The following CXCL13 variants were observed in gnomAD, a reference collection of about 807,000 sequenced individuals.
The protein encoded by CXCL13 is C-X-C motif chemokine ligand 13.
CXCL13 carries 7 observed loss-of-function variants against 12.2 expected under a neutral mutation model. The observed-to-expected ratio is 0.57, with a 90% CI of 0.33 to 1.07. CXCL13 has a LOEUF of 1.07. Among genes scored for constraint, CXCL13 ranks in the 50% least tolerant of loss-of-function variants. The pLI, the probability that CXCL13 is intolerant of heterozygous loss-of-function variation, is 0.04. For synonymous variants in CXCL13, 47 were observed against 42.4 expected (o/e 1.11, Z -0.42); for missense variants, 113 against 127.4 (o/e 0.89, Z 0.55).
chr4:77,567,215 CA>C (rs1725960965), intron 1 of CXCL13, among the ~76,000 whole-genome samples: 1 of 152,190 alleles, frequency 6.6e-6, no homozygotes, highest in Non-Finnish European at 1.5e-5. Context: ...CTCCTAACTC[CA>C]CCGCCTATCC....
intron 1 of CXCL13, among the ~76,000 whole-genome samples, chr4:77,545,949 T>C (rs192469235): frequency 2.6e-4 from 39 of 152,350 alleles, no homozygotes; most frequent in Non-Finnish European, 1.5e-5. Context: ...TGAGAGTTTT[T>C]AGAGCGAAGG....
At chr4:77,520,221 C>T (rs1724554997) in intron 1 of CXCL13, among the ~76,000 whole-genome samples, 1 of 152,050 alleles carries the variant, frequency 6.6e-6, no homozygotes, top group Admixed American at 6.6e-5. Flanking sequence ...TCCATATGAA[C>T]TTTAAAGTAG....
chr4:77,568,294 G>A (rs999790245), intron 1 of CXCL13, among the ~76,000 whole-genome samples: 1 of 152,120 alleles, frequency 6.6e-6, no homozygotes, highest in Non-Finnish European at 1.5e-5. Context: ...AAGTGGCCAC[G>A]AGACTTCTAG....
intron 1 of CXCL13, among the ~76,000 whole-genome samples, chr4:77,550,424 A>G (rs1315395178): frequency 6.6e-6 from 1 of 151,524 alleles, no homozygotes; most frequent in African/African-American, 2.4e-5. Context: ...CTTCTGCATC[A>G]CTCCTGCTGG....
chr4:77,549,664 G>C (rs10017991), intron 1 of CXCL13, among the ~76,000 whole-genome samples: 21,234 of 152,196 alleles, frequency 0.14, 2,126 homozygotes, highest in East Asian at 0.45. Context: ...ATCACCAGCA[G>C]AGGCTGCAGA....
chr4:77,553,642 G>A (rs1342337407), intron 1 of CXCL13, among the ~76,000 whole-genome samples: 1 of 152,120 alleles, frequency 6.6e-6, no homozygotes, highest in African/African-American at 2.4e-5. Flanking sequence ...CATCACAGGG[G>A]CTGTTTGCCC....
At chr4:77,581,339 A>ATTGTTG (rs1726329929) in intron 1 of CXCL13, among the ~76,000 whole-genome samples, 1 of 152,268 alleles carries the variant, frequency 6.6e-6, no homozygotes, top group Non-Finnish European at 1.5e-5. Context: ...GTGGTTGCCA[A>ATTGTTG]TTGACTGAAT....
rs201419377 is a variant in CXCL13, at chr4:77,594,691, G to A, written c.-42-11133G>A. Among the ~76,000 whole-genome samples, 8 of 152,270 alleles carry A rather than the reference G, an allele frequency of 5.3e-5. No individual in the cohort carries two copies. In the East Asian group the frequency reaches 7.7e-4, roughly 15 times the overall value. On this transcript the variant is annotated intron_variant, in intron 1 of 4. Coordinates refer to the CXCL13 transcript ENST00000286758. ...TTCAACAACCTCATTTTGGTGGTTT[G>A]AAATTGGCCATAATCCACATGGACA...
chr4:77,565,775 A>G (rs1725913326), intron 1 of CXCL13, among the ~76,000 whole-genome samples: 1 of 152,182 alleles, frequency 6.6e-6, no homozygotes, highest in South Asian at 2.1e-4. Context: ...CATGTTACAG[A>G]GGCAATAGGA....
chr4:77,566,588 C>T (rs1725928599), intron 1 of CXCL13, among the ~76,000 whole-genome samples: 1 of 151,934 alleles, frequency 6.6e-6, no homozygotes, highest in South Asian at 2.1e-4. Flanking sequence ...CCTTGAGGTG[C>T]AAAATGTGAG....
intron 1 of CXCL13, among the ~76,000 whole-genome samples, chr4:77,583,716 C>T (rs528976717): frequency 1.3e-5 from 2 of 152,058 alleles, no homozygotes; most frequent in Non-Finnish European, 2.9e-5. Context: ...TTGCATTGAC[C>T]GGGTCCTCTG....
chr4:77,574,673 G>A (rs926675055), intron 1 of CXCL13, among the ~76,000 whole-genome samples: 2 of 151,928 alleles, frequency 1.3e-5, no homozygotes, highest in Non-Finnish European at 2.9e-5. Flanking sequence ...TTGGCTTTGG[G>A]TTGGCCACTA....
intron 1 of CXCL13, among the ~76,000 whole-genome samples, chr4:77,516,969 C>T (rs1337006396): frequency 6.6e-6 from 1 of 152,126 alleles, no homozygotes; most frequent in African/African-American, 2.4e-5. Context: ...CCTCTACACA[C>T]TGCTTTGAAT....
intron 2 of CXCL13, among the ~76,000 whole-genome samples, chr4:77,608,307 G>T (rs1312982478): frequency 6.6e-6 from 1 of 152,128 alleles, no homozygotes; most frequent in East Asian, 1.9e-4. Flanking sequence ...GGGTGTGGTG[G>T]TTCATGCCTA....
intron 1 of CXCL13, among the ~76,000 whole-genome samples, chr4:77,564,350 C>G (rs1241567511): frequency 2.0e-5 from 3 of 152,164 alleles, no homozygotes; most frequent in African/African-American, 7.2e-5. Flanking sequence ...TGCAGAGGAG[C>G]AGGCACAGAT....
intron 1 of CXCL13, 125 bp downstream of exon 1, chr4:77,606,054 T>C (rs1281929743): frequency 4.1e-6 from 2 of 485,782 alleles, no homozygotes; most frequent in Non-Finnish European, 7.4e-6. Context: ...CTCTGTTCCT[T>C]CTAGATTTCT....
At chr4:77,585,423 T>A (rs1188408513) in intron 1 of CXCL13, among the ~76,000 whole-genome samples, 1 of 152,312 alleles carries the variant, frequency 6.6e-6, no homozygotes, top group South Asian at 2.1e-4. Flanking sequence ...CCATTTACTG[T>A]CCAGAAAGCT....
intron 1 of CXCL13, among the ~76,000 whole-genome samples, chr4:77,513,117 T>C (rs574794626): frequency 6.6e-6 from 1 of 152,270 alleles, no homozygotes; most frequent in South Asian, 2.1e-4. Flanking sequence ...CTCATCCTTT[T>C]TTATGGCTAT....
At chr4:77,583,162 T>C (rs114455844) in intron 1 of CXCL13, among the ~76,000 whole-genome samples, 2 of 152,324 alleles carry the variant, frequency 1.3e-5, no homozygotes, top group African/African-American at 2.4e-5. Context: ...AAGGTGGCCA[T>C]TGGGAAAGCT....
Sources: gnomAD v4.1 joint callset for allele counts (sites outside exome capture counted in the v4.1 genomes callset) on GRCh38, gnomAD v4.1.1 for gene constraint, MANE v1.5 for transcripts, NCBI Gene and HGNC (gene_info 2026-07-23, HGNC 2026-07-21) for gene names.